The following NDST4 variants were observed in gnomAD, a reference collection of about 807,000 sequenced individuals.
NDST4 encodes the protein N-heparan sulfate sulfotransferase 4.
Under a neutral mutation model 100.8 loss-of-function variants are expected in NDST4, and 63 were observed. The ratio of observed to expected loss-of-function variants is 0.62; its 90% CI spans 0.51 to 0.77. The LOEUF is 0.77. NDST4 is among the 30% of genes least tolerant of loss of function. The pLI, the probability that NDST4 is intolerant of heterozygous loss-of-function variation, is 0.00. For synonymous variants in NDST4, 377 were observed against 361.8 expected (o/e 1.04, Z -0.48); for missense variants, 943 against 1,018.4 (o/e 0.93, Z 1.01).
chr4:114,832,475 C>A (rs928007341), intron 12 of NDST4, among the ~76,000 whole-genome samples: 8 of 152,120 alleles, frequency 5.3e-5, no homozygotes, highest in African/African-American at 1.9e-4. Context: ...AAAGTACAAT[C>A]CCTTTTAAGG....
At chr4:114,947,126 A>G (rs1357383168) in intron 4 of NDST4, among the ~76,000 whole-genome samples, 1 of 152,148 alleles carries the variant, frequency 6.6e-6, no homozygotes, top group Non-Finnish European at 1.5e-5. Flanking sequence ...GGCAGCATAG[A>G]AGGTCCCCTT....
intron 7 of NDST4, among the ~76,000 whole-genome samples, chr4:114,855,803 T>C (rs776262127): frequency 6.6e-6 from 1 of 152,232 alleles, no homozygotes; most frequent in Non-Finnish European, 1.5e-5. Flanking sequence ...TTTATATTTC[T>C]GTGAAGAATG....
At chr4:114,983,361 C>T (rs2126247491) in intron 2 of NDST4, among the ~76,000 whole-genome samples, 1 of 152,292 alleles carries the variant, frequency 6.6e-6, no homozygotes, top group East Asian at 1.9e-4. Flanking sequence ...GCAGAGTTGC[C>T]CAGGGCCTTG....
At chr4:115,034,053 A>G (rs1728179710) in intron 2 of NDST4, among the ~76,000 whole-genome samples, 1 of 152,092 alleles carries the variant, frequency 6.6e-6, no homozygotes, top group Admixed American at 6.6e-5. Context: ...TGCCCTAACC[A>G]CAAGTTCCTC....
chr4:114,896,318 C>T (rs924877793), intron 6 of NDST4, among the ~76,000 whole-genome samples: 1 of 151,826 alleles, frequency 6.6e-6, no homozygotes, highest in Non-Finnish European at 1.5e-5. Flanking sequence ...GTATCATCAC[C>T]TGCTGTTAAA....
Position 115,076,770 on chromosome 4 carries a change from A to C in NDST4, c.267T>G (p.Ser89=). 1 of 1,613,970 alleles carries C rather than the reference A, an allele frequency of 6.2e-7. No homozygotes were observed. Among genetic ancestry groups the C allele is most frequent in the Non-Finnish European group, 8.5e-7 (1 of 1,179,942 alleles). Residue 89 remains serine (S), a synonymous_variant, in exon 2 of 14, where the codon TCT becomes TCG. Coordinates refer to ENST00000264363, the MANE Select transcript of NDST4 (RefSeq NM_022569.3). ...TAGCTATGATATCTTGACCGAGTTG[A>C]GAGTATTGGCTCTCCACGAAGAGAA... ...TVLLFVESQY[S]QLGQDIIAIL... is the part of the protein sequence containing the mutation.
chr4:115,040,977 C>G (rs1281750280), intron 2 of NDST4, among the ~76,000 whole-genome samples: 1 of 151,986 alleles, frequency 6.6e-6, no homozygotes, highest in Non-Finnish European at 1.5e-5. Context: ...GTAAAAAGAA[C>G]TACGTTTCTT....
At chr4:114,919,530 G>T (rs138033865) in intron 6 of NDST4, among the ~76,000 whole-genome samples, 1 of 152,144 alleles carries the variant, frequency 6.6e-6, no homozygotes, top group Non-Finnish European at 1.5e-5. Flanking sequence ...ATCCTGGCAT[G>T]TATGAAAACC....
chr4:114,948,137 T>A (rs559607716), intron 4 of NDST4, among the ~76,000 whole-genome samples: 82 of 152,238 alleles, frequency 5.4e-4, no homozygotes, highest in African/African-American at 1.9e-3. Flanking sequence ...TGGATTTTTT[T>A]AAATATTATT....
chr4:115,003,581 G>A (rs1262816958), intron 2 of NDST4, among the ~76,000 whole-genome samples: 1 of 151,948 alleles, frequency 6.6e-6, no homozygotes, highest in Admixed American at 6.6e-5. Flanking sequence ...AAAAAAAGGG[G>A]TACTAGTACT....
At chr4:115,032,544 G>A (rs1400214381) in intron 2 of NDST4, among the ~76,000 whole-genome samples, 1 of 152,056 alleles carries the variant, frequency 6.6e-6, no homozygotes, top group African/African-American at 2.4e-5. Flanking sequence ...ACATTTGAAA[G>A]AACTGAGCAT....
At chr4:115,003,896 G>A (rs530512646) in intron 2 of NDST4, among the ~76,000 whole-genome samples, 14 of 151,946 alleles carry the variant, frequency 9.2e-5, no homozygotes, top group African/African-American at 3.1e-4. Context: ...TATAATTAAT[G>A]TCATTTTAAA....
intron 1 of NDST4, among the ~76,000 whole-genome samples, chr4:115,081,149 A>C (rs530355621): frequency 6.6e-6 from 1 of 152,282 alleles, no homozygotes; most frequent in South Asian, 2.1e-4. Flanking sequence ...AGAATAAATA[A>C]AATTTAAATG....
At chr4:115,061,721 A>G (rs1474518042) in intron 2 of NDST4, among the ~76,000 whole-genome samples, 2 of 152,048 alleles carry the variant, frequency 1.3e-5, no homozygotes, top group Non-Finnish European at 2.9e-5. Flanking sequence ...GCAAACCACC[A>G]TGGCACATGT....
intron 2 of NDST4, among the ~76,000 whole-genome samples, chr4:115,003,438 C>T (rs769366225): frequency 6.6e-6 from 1 of 152,080 alleles, no homozygotes; most frequent in Non-Finnish European, 1.5e-5. Flanking sequence ...GTTCCTAAAC[C>T]TAGTGTCTAT....
chr4:114,875,441 A>G (rs1473374370), intron 6 of NDST4, among the ~76,000 whole-genome samples: 1 of 152,228 alleles, frequency 6.6e-6, no homozygotes, highest in East Asian at 1.9e-4. Flanking sequence ...GACATTATCT[A>G]TGGAATAAAT....
intron 2 of NDST4, among the ~76,000 whole-genome samples, chr4:114,986,809 T>TAC (rs1726916359): frequency 8.6e-6 from 1 of 116,096 alleles, no homozygotes; most frequent in Non-Finnish European, 1.8e-5. Flanking sequence ...TATATATATA[T>TAC]ATATATATAT....
intron 2 of NDST4, among the ~76,000 whole-genome samples, chr4:115,004,866 TAA>T (rs1727379555): frequency 6.6e-6 from 1 of 152,150 alleles, no homozygotes; most frequent in African/African-American, 2.4e-5. Context: ...ACCACAAAAT[TAA>T]GTTTGTTACA....
At chr4:115,097,743 G>A (rs992937201) in intron 1 of NDST4, among the ~76,000 whole-genome samples, 2 of 151,880 alleles carry the variant, frequency 1.3e-5, no homozygotes, top group East Asian at 1.9e-4. Flanking sequence ...CACCAAAATC[G>A]GCCCTAATTT....
Sources: gnomAD v4.1 joint callset for allele counts (sites outside exome capture counted in the v4.1 genomes callset) on GRCh38, gnomAD v4.1.1 for gene constraint, MANE v1.5 for transcripts, NCBI Gene and HGNC (gene_info 2026-07-23, HGNC 2026-07-21) for gene names.